Variants in SLC8A1 observed in about 807,000 individuals in gnomAD.
SLC8A1 encodes sodium/calcium exchanger 1.
A neutral mutation model predicts 68.3 loss-of-function variants in SLC8A1; 18 were observed. The ratio of observed to expected loss-of-function variants is 0.26; its 90% CI spans 0.18 to 0.39. The LOEUF (loss-of-function observed/expected upper bound fraction) is 0.39, where lower values mean the gene tolerates loss of function less well. Ranked by LOEUF, SLC8A1 falls within the 10% of genes least tolerant of loss-of-function variation. The pLI is 1.00. For missense variants in SLC8A1, 985 were observed against 1,156.7 expected (o/e 0.85, Z 2.15); for synonymous variants, 475 against 415.5 (o/e 1.14, Z -1.74).
intron 4 of SLC8A1, among the ~76,000 whole-genome samples, chr2:40,173,388 G>C (rs944846300): frequency 6.6e-6 from 1 of 152,196 alleles, no homozygotes; most frequent in Non-Finnish European, 1.5e-5. Context: ...AGATGAATCA[G>C]ATTTAAGAAA....
intron 1 of SLC8A1, 100 bp from the exon 2 acceptor site, chr2:40,430,404 A>C (rs1698016019): frequency 1.6e-6 from 2 of 1,283,474 alleles, no homozygotes; most frequent in African/African-American, 3.0e-5. Flanking sequence ...CTCTTACCAA[A>C]ATTTGTTTAT....
At chr2:40,407,163 T>C (rs1411165358) in intron 2 of SLC8A1, among the ~76,000 whole-genome samples, 1 of 152,100 alleles carries the variant, frequency 6.6e-6, no homozygotes, top group Non-Finnish European at 1.5e-5. Flanking sequence ...GCCTCCTAGG[T>C]TCAACAGATT....
intron 2 of SLC8A1, among the ~76,000 whole-genome samples, chr2:40,287,617 T>TGTGTGTGTGTGTGTGTGTGTGTGTGC (rs1316566001): frequency 5.4e-5 from 8 of 149,176 alleles, no homozygotes; most frequent in Middle Eastern, 3.4e-3. Flanking sequence ...TGTGTGTGTG[T>TGTGTGTGTGTGTGTGTGTGTGTGTGC]GTGCATGCAG....
At chr2:40,343,633 G>A (rs939595286) in intron 2 of SLC8A1, among the ~76,000 whole-genome samples, 1 of 152,236 alleles carries the variant, frequency 6.6e-6, no homozygotes, top group South Asian at 2.1e-4. Context: ...TGGTAATTAT[G>A]CAAATGTGGC....
At chr2:40,312,923 C>G (rs189981110) in intron 2 of SLC8A1, among the ~76,000 whole-genome samples, 2 of 151,824 alleles carry the variant, frequency 1.3e-5, no homozygotes, top group Admixed American at 1.3e-4. Flanking sequence ...GTGTTCAATG[C>G]GATAAATCTA....
chr2:40,477,736 G>C (rs1327067302), intron 1 of SLC8A1, among the ~76,000 whole-genome samples: 1 of 152,136 alleles, frequency 6.6e-6, no homozygotes, highest in Non-Finnish European at 1.5e-5. Context: ...GTGTGTGCCT[G>C]TGCGTAGTGT....
At chr2:40,252,957 G>A (rs1257042527) in intron 2 of SLC8A1, among the ~76,000 whole-genome samples, 3 of 109,120 alleles carry the variant, frequency 2.7e-5, no homozygotes, top group African/African-American at 1.1e-4. Flanking sequence ...ATACATATGT[G>A]TGTATATGTA....
intron 2 of SLC8A1, among the ~76,000 whole-genome samples, chr2:40,415,328 G>A (rs1159869237): frequency 6.6e-6 from 1 of 151,818 alleles, no homozygotes; most frequent in Non-Finnish European, 1.5e-5. Context: ...GACTGCTGCA[G>A]AGGCAACACT....
chr2:40,207,747 G>A (rs1300516270), intron 2 of SLC8A1, among the ~76,000 whole-genome samples: 4 of 152,058 alleles, frequency 2.6e-5, no homozygotes, highest in South Asian at 4.1e-4. Flanking sequence ...TTGGTTTAAC[G>A]GTGTGTAGTG....
intron 7 of SLC8A1, among the ~76,000 whole-genome samples, chr2:40,124,179 AC>A (rs2037548762): frequency 6.6e-6 from 1 of 152,176 alleles, no homozygotes; most frequent in African/African-American, 2.4e-5. Context: ...GAAAACAGAA[AC>A]CTTCATTCTC....
In SLC8A1 at chr2:40,176,334, C is replaced by G. The variant is rs552873489; in HGVS notation, c.1912+1418G>C. Among the ~76,000 whole-genome samples the G allele has an allele frequency of 3.5e-4, 54 of 152,274 alleles. 1 individual carries two copies. In the South Asian group the frequency reaches 0.011, roughly 30 times the overall value. ...TGCTGTTACATGAGAGCATATTTTA[C>G]TAAAACGGCAATTGTAAGAGCAGAA... On this transcript the variant is annotated intron_variant, in intron 3 of 7. Transcript: ENST00000406785.
At chr2:40,230,969 T>G (rs1356612129) in intron 2 of SLC8A1, among the ~76,000 whole-genome samples, 9 of 152,186 alleles carry the variant, frequency 5.9e-5, no homozygotes. Context: ...TACTCAAGTG[T>G]CCAGACTTTA....
intron 2 of SLC8A1, among the ~76,000 whole-genome samples, chr2:40,200,842 C>T (rs969772056): frequency 5.3e-5 from 8 of 151,690 alleles, no homozygotes; most frequent in South Asian, 2.1e-4. Context: ...TTTATATAGT[C>T]GGTTTATATT....
chr2:40,200,173 G>GAGATATATATATAT (rs1553407546), intron 2 of SLC8A1, among the ~76,000 whole-genome samples: 5 of 4,748 alleles, frequency 1.1e-3, no homozygotes, highest in Non-Finnish European at 3.1e-3. Flanking sequence ...TCAAGTCATT[G>GAGATATATATATAT]ATATATATAT....
At chr2:40,151,995 G>A (rs2043528202) in intron 6 of SLC8A1, among the ~76,000 whole-genome samples, 1 of 152,120 alleles carries the variant, frequency 6.6e-6, no homozygotes, top group African/African-American at 2.4e-5. Context: ...AGGATGAATG[G>A]CTATTGAATT....
chr2:40,428,452 CATATATAAT>C lies in SLC8A1; in HGVS notation c.1808+12_1808+20del, dbSNP rs755309499. ...ACACACACACACACACACACACACA[CATATATAAT>C]ATAGAACTTACACAATTTCATCATT... On this transcript the variant is annotated intron_variant, in intron 2 of 7. Transcript: ENST00000406785. 15 of 1,479,134 alleles carry C rather than the reference CATATATAAT, an allele frequency of 1.0e-5. No individual in the cohort carries two copies. In the East Asian group the frequency reaches 3.3e-4, roughly 32 times the overall value. 91.6% of individuals were successfully genotyped at this position (1,479,134 alleles called of 1,614,324 possible).
chr2:40,264,354 A>C (rs1315575873), intron 2 of SLC8A1, among the ~76,000 whole-genome samples: 1 of 152,180 alleles, frequency 6.6e-6, no homozygotes, highest in African/African-American at 2.4e-5. Flanking sequence ...TACTGGGTAT[A>C]TACCCAAAGG....
At chr2:40,179,837 C>T (rs1358460473) in intron 2 of SLC8A1, among the ~76,000 whole-genome samples, 1 of 152,148 alleles carries the variant, frequency 6.6e-6, no homozygotes, top group Non-Finnish European at 1.5e-5. Context: ...GCTTTTAATT[C>T]TCTGAATTTC....
intron 2 of SLC8A1, among the ~76,000 whole-genome samples, chr2:40,389,895 C>T (rs1284930404): frequency 6.6e-6 from 1 of 150,754 alleles, no homozygotes; most frequent in Non-Finnish European, 1.5e-5. Context: ...CCCCAAATCA[C>T]CAAAGCTAAT....
Sources: gnomAD v4.1 joint callset for allele counts (sites outside exome capture counted in the v4.1 genomes callset) on GRCh38, gnomAD v4.1.1 for gene constraint, MANE v1.5 for transcripts, NCBI Gene and HGNC (gene_info 2026-07-23, HGNC 2026-07-21) for gene names.